The following CHD5 variants were observed in gnomAD, a reference collection of about 807,000 sequenced individuals.
The protein encoded by CHD5 is ATP-dependent chromatin remodeler CHD5.
In CHD5, 69 loss-of-function variants were observed where a neutral mutation model predicts 230.3. That is an observed-to-expected ratio of 0.30 (90% CI 0.25 to 0.37). The LOEUF (loss-of-function observed/expected upper bound fraction) is 0.37. Among genes scored for constraint, CHD5 ranks in the 10% least tolerant of loss-of-function variants. The pLI is 1.00. For synonymous variants in CHD5, 1,064 were observed against 1,065.9 expected (o/e 1.00, Z 0.03); for missense variants, 1,827 against 2,622.8 (o/e 0.70, Z 6.63).
chr1:6,163,072 C>G (rs1667202256), intron 2 of CHD5, among the ~76,000 whole-genome samples: 1 of 152,194 alleles, frequency 6.6e-6, no homozygotes, highest in South Asian at 2.1e-4. Context: ...AGGCCATGAG[C>G]CCAGCACTGA....
chr1:6,173,144 A>G (rs779100291), intron 1 of CHD5, among the ~76,000 whole-genome samples: 4 of 148,510 alleles, frequency 2.7e-5, no homozygotes, highest in African/African-American at 1.0e-4. Context: ...TCGCTCTGTC[A>G]CCCAGGCTGG....
chr1:6,112,937 G>A lies in CHD5; in HGVS notation c.4974C>T (p.Ser1658=). ...GCCTGAGTTCGGAACTGTCCCCTCT[G>A]CTGTGGATCAAGCTCAGCTCCAGCT... is the stretch of plus-strand genomic sequence containing the variant. ...LDKLELSLIH[S]RGDSSELRPD... is the part of the protein sequence containing the mutation. The change falls in exon 34 of 42, where the codon AGC becomes AGT. Residue 1658 remains serine (S), a synonymous_variant. Coordinates refer to ENST00000262450, the MANE Select transcript of CHD5 (RefSeq NM_015557.3). 3 of 1,613,952 alleles carry A rather than the reference G, an allele frequency of 1.9e-6. No individual in the cohort carries two copies. Among genetic ancestry groups the A allele is most frequent in the Middle Eastern group, 3.3e-4 (2 of 6,062 alleles).
rs965603223 is a variant in CHD5, at chr1:6,154,687, G to T, written c.718C>A (p.Arg240Ser). Residue 240 changes from arginine to serine, a missense_variant, in exon 5 of 42, where the codon CGC becomes AGC. Transcript: ENST00000262450. The surrounding 1 kb of genome is among the most constrained non-coding windows in gnomAD (Gnocchi z 7.0). ...TTGCCCTCCTTGGTCTTGGCCTTGC[G>T]GATAGGCACAGGCTGGGGCACCTGC... The part of the protein sequence containing the change: ...PPQVPQPVPI[R>S]KAKTKEGKGP... The T allele has an allele frequency of 6.3e-7, 1 of 1,585,752 alleles. No homozygotes were observed. Among genetic ancestry groups the T allele is most frequent in the Non-Finnish European group, 8.6e-7 (1 of 1,164,294 alleles).
At chr1:6,111,370 C>T (rs1666285236) in intron 36 of CHD5, among the ~76,000 whole-genome samples, 1 of 151,612 alleles carries the variant, frequency 6.6e-6, no homozygotes, top group Admixed American at 6.6e-5. Context: ...CCCGTCTCTA[C>T]TAAAAATACA....
chr1:6,148,185 G>A (rs913387423), intron 9 of CHD5, among the ~76,000 whole-genome samples: 2 of 152,198 alleles, frequency 1.3e-5, no homozygotes, highest in Non-Finnish European at 2.9e-5. Flanking sequence ...GGACCTGAGG[G>A]GTGGAGGATC....
intron 15 of CHD5, among the ~76,000 whole-genome samples, chr1:6,141,486 A>T (rs185921487): frequency 6.8e-6 from 1 of 147,006 alleles, no homozygotes; most frequent in Non-Finnish European, 1.5e-5. Flanking sequence ...ATGATGGCGC[A>T]CTCCTGGAGT....
At chr1:6,174,977 GGAT>G (rs1557566147) in intron 1 of CHD5, among the ~76,000 whole-genome samples, 1 of 90,352 alleles carries the variant, frequency 1.1e-5, no homozygotes, top group African/African-American at 1.2e-4. Context: ...GATGAAGGAT[GGAT>G]GGATGGATGG....
Position 6,180,039 on chromosome 1 carries a change from G to T in CHD5, c.-16C>A. On this transcript the variant is annotated 5_prime_UTR_variant, in exon 1 of 42. Transcript: ENST00000262450. ...GGCCCCGCATGCCCGGCGCGGGGAG[G>T]AGGGGAGGTGGGCGCCCCCCCTCCC... The T allele has an allele frequency of 7.8e-7, 1 of 1,290,120 alleles. No individual in the cohort carries two copies. Among genetic ancestry groups the T allele is most frequent in the Non-Finnish European group, 1.0e-6 (1 of 1,002,876 alleles). The allele number at this position is 1,290,120 out of a possible 1,614,324, so 79.9% of individuals were successfully genotyped here. A position where few individuals can be genotyped will look rare whatever the true frequency, so the allele number is the denominator to read the frequency against.
rs574526531 is a variant in CHD5 at position 6,150,689 on chromosome 1, G to C, written c.994+343C>G. Among the ~76,000 whole-genome samples, 129 of 152,240 alleles carry C rather than the reference G, an allele frequency of 8.5e-4. No individual in the cohort carries two copies. The Middle Eastern group carries it at 0.01, about 12-fold the overall frequency. ...GGTAAAGATGGGTGTTAAGTGGGTG[G>C]GGGGTGACTGAAGGGAGGATGGCGA... On this transcript the variant is annotated intron_variant, in intron 7 of 41. Transcript: ENST00000262450.
intron 33 of CHD5, among the ~76,000 whole-genome samples, chr1:6,116,176 C>G (rs1330420179): frequency 6.6e-6 from 1 of 152,182 alleles, no homozygotes; most frequent in East Asian, 1.9e-4. Flanking sequence ...AAGCTTTCAG[C>G]TGTTTTGGTT....
At chr1:6,110,568 T>C in intron 36 of CHD5, 42 bp from the exon 37 acceptor site, 1 of 1,323,826 alleles carries the variant, frequency 7.6e-7, no homozygotes, top group Non-Finnish European at 9.9e-7. Context: ...CCGTTAGAAG[T>C]GGTGGGGCCG....
intron 29 of CHD5, 126 bp downstream of exon 29, chr1:6,124,974 A>G: frequency 9.6e-7 from 1 of 1,039,754 alleles, no homozygotes; most frequent in East Asian, 2.6e-5. Context: ...TCCAAGTGGC[A>G]GTGAACTTTC....
rs1666913143 is a variant in CHD5 at position 6,146,446 on chromosome 1, T to TCACAGAAGGGAGATGGGCCATGGTC, written c.1591-48_1591-24dup. The TCACAGAAGGGAGATGGGCCATGGTC allele has an allele frequency of 6.2e-7, 1 of 1,605,902 alleles. No homozygotes were observed. Among genetic ancestry groups the TCACAGAAGGGAGATGGGCCATGGTC allele is most frequent in the Non-Finnish European group, 8.5e-7 (1 of 1,174,440 alleles). ...CAGCTGCTCATGGAGCGGCACAAAG[T>TCACAGAAGGGAGATGGGCCATGGTC]CACAGAAGGGAGATGGGCCATGGTC... On this transcript the variant is annotated intron_variant, in intron 10 of 41. Transcript: ENST00000262450. The surrounding 1 kb of genome is among the most constrained non-coding windows in gnomAD (Gnocchi z 5.1).
At chr1:6,132,880 TTCTCTCTCTCTC>T (rs111561200) in intron 20 of CHD5, among the ~76,000 whole-genome samples, 2 of 144,428 alleles carry the variant, frequency 1.4e-5, no homozygotes, top group Non-Finnish European at 3.0e-5. Context: ...TCCTATTCTT[TTCTCTCTCTCTC>T]TCTCTCTCTC....
In CHD5 at chr1:6,146,547, C is replaced by T. The variant is rs1666914591; in HGVS notation, c.1590+118G>A. On this transcript the variant is annotated intron_variant, in intron 10 of 41. Coordinates refer to ENST00000262450, the MANE Select transcript of CHD5 (RefSeq NM_015557.3). This position sits in a 1 kb window ranked among gnomAD's most constrained non-coding sequence, Gnocchi z 5.1. ...GGACAATCCTCCCGCTCAGCACCAC[C>T]CCAACTCCCAACAGCACCCCTCAGT... The T allele has an allele frequency of 1.5e-6, 2 of 1,379,252 alleles. No homozygotes were observed. Among genetic ancestry groups the T allele is most frequent in the Non-Finnish European group, 2.0e-6 (2 of 977,336 alleles). 85.4% of individuals were successfully genotyped at this position (1,379,252 alleles called of 1,614,324 possible). A position where few individuals can be genotyped will look rare whatever the true frequency, so the allele number is the denominator to read the frequency against.
In CHD5 at chr1:6,106,757, C is replaced by G. The variant is rs1666176104; in HGVS notation, c.5601G>C (p.Leu1867=). ...LHKVLNQLEE[L]LSDMKADVTR... ...TCACGTCGGCCTTCATGTCGCTCAG[C>G]AGCTCCTCCAGCTGGTTCAGGACTG... is the stretch of plus-strand genomic sequence containing the variant. The change falls in exon 39 of 42, where the codon CTG becomes CTC. Residue 1867 remains leucine (L), a synonymous_variant. Transcript: ENST00000262450. The G allele has an allele frequency of 6.2e-7, 1 of 1,610,776 alleles. No homozygotes were observed.
At chr1:6,135,011 TC>T (rs1666717087) in intron 18 of CHD5, 152 bp from the exon 19 acceptor site, 2 of 1,086,230 alleles carry the variant, frequency 1.8e-6, no homozygotes, top group Non-Finnish European at 2.6e-6. Context: ...CGGCCTGGAG[TC>T]CCCCTGCAAG....
Position 6,103,208 on chromosome 1 carries a change from C to T in CHD5, c.*2266G>A, listed in dbSNP as rs997859530. ...CTAGTAGCCCACCCCTCCCGGGCCC[C>T]GGGGTGCTGGCCACGGACAGCACCA... On this transcript the variant is annotated 3_prime_UTR_variant, in exon 42 of 42. Coordinates refer to ENST00000262450, the MANE Select transcript of CHD5 (RefSeq NM_015557.3). 8 of 152,562 alleles carry T rather than the reference C, an allele frequency of 5.2e-5. No homozygotes were observed. The highest frequency in any genetic ancestry group is 1.9e-4 in the African/African-American group (8 of 41,480). 9.5% of individuals were successfully genotyped at this position (152,562 alleles called of 1,614,324 possible).
At chr1:6,114,549 C>CA (rs1205830634) in intron 33 of CHD5, among the ~76,000 whole-genome samples, 6 of 150,796 alleles carry the variant, frequency 4.0e-5, no homozygotes, top group Admixed American at 6.6e-5. Context: ...ATATATATCA[C>CA]AAAAAAAATC....
Sources: allele counts gnomAD v4.1 joint callset (sites outside exome capture counted in the v4.1 genomes callset), GRCh38; gene constraint gnomAD v4.1.1; non-coding constraint Gnocchi (gnomAD v3.1); transcripts MANE v1.5; gene names NCBI Gene and HGNC (gene_info 2026-07-23, HGNC 2026-07-21).